CLPX: variants seen among roughly 807,000 people sequenced by gnomAD.
The protein encoded by CLPX is caseinolytic mitochondrial matrix peptidase chaperone subunit X.
CLPX carries 34 observed loss-of-function variants against 76.4 expected under a neutral mutation model. The ratio of observed to expected loss-of-function variants is 0.45; its 90% CI spans 0.34 to 0.59. CLPX has a LOEUF of 0.59. Among genes scored for constraint, CLPX ranks in the 20% least tolerant of loss-of-function variants. CLPX has a pLI of 0.01. For synonymous variants in CLPX, 248 were observed against 270.9 expected, an observed-to-expected ratio of 0.92 and a Z score of 0.83; for missense variants, 613 against 757.0, an observed-to-expected ratio of 0.81 and a Z score of 2.23.
rs1426198667 is a variant in CLPX at position 65,148,449 on chromosome 15, G to T, written c.*2374C>A. The T allele has an allele frequency of 6.6e-6, 1 of 152,136 alleles. No homozygotes were observed. The highest frequency in any genetic ancestry group is 6.6e-5 in the Admixed American group (1 of 15,262). The allele number at this position is 152,136 out of a possible 1,614,324, so 9.4% of individuals were successfully genotyped here. On this transcript the variant is annotated 3_prime_UTR_variant, in exon 14 of 14. Coordinates refer to ENST00000300107, the MANE Select transcript of CLPX (RefSeq NM_006660.5). ...AAGGAAAATGATGCTATAAGGGAAAGATAATGAACAAAGTTATAATATGTA... is the reference window on the plus strand; with the variant it reads ...AAGGAAAATGATGCTATAAGGGAAATATAATGAACAAAGTTATAATATGTA...
rs534429771 is a variant in CLPX at position 65,174,461 on chromosome 15, C to T, written c.358+4473G>A. On this transcript the variant is annotated intron_variant, in intron 3 of 13. Transcript: ENST00000300107. The stretch of plus-strand genomic sequence containing the variant: ...TGTGTTTTTAGTAGAGATGGGGTTT[C>T]ACCATGTTGGTCAGGCTGGTCTCAA... Among the ~76,000 whole-genome samples, 4 of 151,728 alleles carry T rather than the reference C, an allele frequency of 2.6e-5. No individual in the cohort carries two copies. In the East Asian group the frequency reaches 5.8e-4, roughly 22 times the overall value.
chr15:65,171,207 G>A (rs1481788218), intron 3 of CLPX, among the ~76,000 whole-genome samples: 1 of 152,060 alleles, frequency 6.6e-6, no homozygotes, highest in Non-Finnish European at 1.5e-5. Flanking sequence ...AGCACTCTGG[G>A]AGGCTGAGGC....
intron 9 of CLPX, 25 bp from the exon 10 acceptor site, chr15:65,155,881 A>G: frequency 6.4e-7 from 1 of 1,571,334 alleles, no homozygotes; most frequent in Non-Finnish European, 8.7e-7. Flanking sequence ...AATGATTTAT[A>G]GCATCACCAT....
intron 3 of CLPX, among the ~76,000 whole-genome samples, chr15:65,174,391 A>T (rs1381191260): frequency 6.6e-6 from 1 of 151,932 alleles, no homozygotes; most frequent in Non-Finnish European, 1.5e-5. Flanking sequence ...CAGCCTCCCA[A>T]GTAGCTGGGA....
intron 7 of CLPX, 108 bp downstream of exon 7, chr15:65,158,467 A>G: frequency 1.1e-6 from 1 of 919,290 alleles, no homozygotes. Context: ...CTGGCCTTAG[A>G]TTTTCTTCTC....
intron 2 of CLPX, 52 bp downstream of exon 2, chr15:65,179,992 T>G: frequency 7.4e-7 from 1 of 1,358,266 alleles, no homozygotes; most frequent in Non-Finnish European, 1.0e-6. Flanking sequence ...TATATTTTTT[T>G]AAAGGAGGGA....
intron 1 of CLPX, among the ~76,000 whole-genome samples, chr15:65,183,832 A>T (rs1182272974): frequency 2.0e-5 from 3 of 152,206 alleles, no homozygotes; most frequent in African/African-American, 4.8e-5. Context: ...TACCTCCAGC[A>T]CTAAAAGAAG....
chr15:65,175,568 C>T (rs2088079776), intron 3 of CLPX, among the ~76,000 whole-genome samples: 1 of 152,090 alleles, frequency 6.6e-6, no homozygotes, highest in Non-Finnish European at 1.5e-5. Context: ...TGCACGGGAC[C>T]AGAAGTGTTT....
At chr15:65,184,407 C>T (rs1246245193) in intron 1 of CLPX, 1 of 152,310 alleles carries the variant, frequency 6.6e-6, no homozygotes, top group African/African-American at 2.4e-5. Flanking sequence ...ACTGCTGAAA[C>T]ACCCAAGTAC....
rs370762389 is a variant in CLPX, at chr15:65,169,491, G to A, written c.359-2706C>T. 1.2e-4 allele frequency among the ~76,000 whole-genome samples: 19 copies of A among 152,144 alleles called. 1 individual carries two copies. In the South Asian group the frequency reaches 2.3e-3, roughly 18 times the overall value. On this transcript the variant is annotated intron_variant, in intron 3 of 13. Transcript: ENST00000300107. ...CCCAGCACTTTGGAAGGCCAAGACG[G>A]GTGGATCACTTGAGCTTAGGAGTTC...
intron 6 of CLPX, among the ~76,000 whole-genome samples, chr15:65,161,926 A>G (rs1490770252): frequency 1.3e-5 from 2 of 152,224 alleles, no homozygotes; most frequent in South Asian, 4.1e-4. Flanking sequence ...TCCTATATAT[A>G]GTACACTTCA....
intron 1 of CLPX, chr15:65,184,390 G>A (rs2140657393): frequency 6.6e-6 from 1 of 152,404 alleles, no homozygotes; most frequent in South Asian, 2.1e-4. Context: ...GGGAAAGCCA[G>A]CAAAGGACTG....
At chr15:65,166,373 T>C (rs1372680460) in intron 4 of CLPX, among the ~76,000 whole-genome samples, 1 of 152,194 alleles carries the variant, frequency 6.6e-6, no homozygotes, top group Non-Finnish European at 1.5e-5. Flanking sequence ...TAACTTGGTA[T>C]TAACAAGTTA....
intron 6 of CLPX, among the ~76,000 whole-genome samples, 175 bp from the exon 7 acceptor site, chr15:65,158,926 G>T (rs538523838): frequency 6.6e-6 from 1 of 152,196 alleles, no homozygotes; most frequent in African/African-American, 2.4e-5. Context: ...CAAACATATA[G>T]CACACAATGA....
intron 3 of CLPX, among the ~76,000 whole-genome samples, chr15:65,168,146 T>C (rs939851563): frequency 4.0e-5 from 6 of 151,412 alleles, no homozygotes; most frequent in African/African-American, 4.9e-5. Flanking sequence ...TCCCAGCACT[T>C]TGGGAGGCCG....
At position 65,150,686 on chromosome 15, in the gene CLPX, T is replaced by C; in HGVS notation, c.*137A>G. The stretch of plus-strand genomic sequence containing the variant: ...TGTTACAATTATATACATGATCTGA[T>C]TCTTCTCCTAAAGGCTTCTCTGACC... On this transcript the variant is annotated 3_prime_UTR_variant, in exon 14 of 14. Transcript: ENST00000300107. 2.0e-6 allele frequency: 1 copy of C among 497,014 alleles called. No homozygotes were observed. The highest frequency in any genetic ancestry group is 3.6e-6 in the Non-Finnish European group (1 of 281,024). 30.8% of individuals were successfully genotyped at this position (497,014 alleles called of 1,614,324 possible).
intron 11 of CLPX, among the ~76,000 whole-genome samples, chr15:65,154,063 G>A (rs2087757669): frequency 1.3e-5 from 2 of 152,108 alleles, no homozygotes; most frequent in Admixed American, 1.3e-4. Flanking sequence ...AACCACCGGA[G>A]GATTTTAAGC....
At chr15:65,162,675 TTG>T in intron 5 of CLPX, 30 bp from the exon 6 acceptor site, 2 of 1,367,434 alleles carry the variant, frequency 1.5e-6, no homozygotes, top group Non-Finnish European at 2.1e-6. Context: ...TATTACATAT[TTG>T]TTTACCTTGG....
chr15:65,155,068 C>G lies in CLPX; in HGVS notation c.1325G>C (p.Gly442Ala), dbSNP rs1165114424. 6.2e-7 allele frequency: 1 copy of G among 1,612,448 alleles called. No individual in the cohort carries two copies. The highest frequency in any genetic ancestry group is 8.5e-7 in the Non-Finnish European group (1 of 1,178,728). The stretch of plus-strand genomic sequence containing the variant: ...GCCTTTTCCCAGATTAGATGGTGTT[C>G]CAAATCCAAGATACTGCCAAAGAAA... ...RRKNEKYLGF[G>A]TPSNLGKGRR... Residue 442 changes from glycine (G) to alanine (A), a missense_variant, in exon 11 of 14, where the codon GGA becomes GCA. By Grantham distance (60) the Gly-to-Ala change is moderately conservative. Coordinates refer to ENST00000300107, the MANE Select transcript of CLPX (RefSeq NM_006660.5).
Sources: gnomAD v4.1 joint callset for allele counts (sites outside exome capture counted in the v4.1 genomes callset) on GRCh38, gnomAD v4.1.1 for gene constraint, MANE v1.5 for transcripts, NCBI Gene and HGNC (gene_info 2026-07-23, HGNC 2026-07-21) for gene names.